ANKRD10: variants seen among roughly 807,000 people sequenced by gnomAD.
The protein encoded by ANKRD10 is ankyrin repeat domain 10.
In ANKRD10, 14 loss-of-function variants were observed where a neutral mutation model predicts 27.0. The ratio of observed to expected loss-of-function variants is 0.52; its 90% CI spans 0.34 to 0.81. The LOEUF (loss-of-function observed/expected upper bound fraction) is 0.81. Among genes scored for constraint, ANKRD10 ranks in the 40% least tolerant of loss-of-function variants. ANKRD10 has a pLI of 0.01. For missense variants in ANKRD10, 493 were observed against 544.0 expected (o/e 0.91, Z 0.93); for synonymous variants, 250 against 224.5 (o/e 1.11, Z -1.01).
chr13:110,915,063 A>C lies in ANKRD10; in HGVS notation c.-129T>G. Reference sequence around the variant, plus strand: ...TCGCGTCCCACAGGCTGCCGAGCGGAGCGCGCACAGAGGGGGCGGGGCGGG... The same window carrying C: ...TCGCGTCCCACAGGCTGCCGAGCGGCGCGCGCACAGAGGGGGCGGGGCGGG... On this transcript the variant is annotated 5_prime_UTR_variant, in exon 1 of 6. Coordinates refer to ENST00000267339, the MANE Select transcript of ANKRD10 (RefSeq NM_017664.4). The C allele has an allele frequency of 7.1e-7, 1 of 1,402,596 alleles. No individual in the cohort carries two copies. The highest frequency in any genetic ancestry group is 9.2e-7 in the Non-Finnish European group (1 of 1,083,336). 86.9% of individuals were successfully genotyped at this position (1,402,596 alleles called of 1,614,324 possible).
chr13:110,894,418 A>AAACAAAAAC (rs2065171849), intron 3 of ANKRD10: 1 of 318,874 alleles, frequency 3.1e-6, no homozygotes, highest in Non-Finnish European at 5.7e-6. Flanking sequence ...AAAAAAAAAA[A>AAACAAAAAC]AAAAAAAAAC....
intron 4 of ANKRD10, among the ~76,000 whole-genome samples, chr13:110,891,871 CTTTTTTTT>C (rs10553815): frequency 2.5e-5 from 3 of 121,242 alleles, no homozygotes; most frequent in Non-Finnish European, 3.4e-5. Context: ...CTTATTAAGA[CTTTTTTTT>C]TTTTTTTTTT....
In ANKRD10 at chr13:110,906,146, T is replaced by C. The variant is rs779054815; in HGVS notation, c.364-22A>G. The C allele has an allele frequency of 2.2e-5, 35 of 1,561,012 alleles. No homozygotes were observed. In the South Asian group the frequency reaches 4.0e-4, roughly 18 times the overall value. Reference sequence around the variant, plus strand: ...AATCCTGAAACAACAAAAAGCAAAATATACACATACTTAGAACAAAACTTC... The same window carrying C: ...AATCCTGAAACAACAAAAAGCAAAACATACACATACTTAGAACAAAACTTC... On this transcript the variant is annotated intron_variant, in intron 2 of 5. Transcript: ENST00000267339.
chr13:110,884,704 T>C (rs1376583999), intron 4 of ANKRD10, among the ~76,000 whole-genome samples: 1 of 152,220 alleles, frequency 6.6e-6, no homozygotes, highest in Admixed American at 6.5e-5. Context: ...CTTCCTATCA[T>C]GAATACCACA....
chr13:110,883,468 TTATAG>T (rs2064855645), intron 5 of ANKRD10: 3 of 1,255,502 alleles, frequency 2.4e-6, no homozygotes, highest in East Asian at 3.2e-5. Flanking sequence ...GATATGCAAA[TTATAG>T]TATAACATTT....
At position 110,879,788 on chromosome 13, in the gene ANKRD10, T is replaced by C. The variant is rs1363428087; in HGVS notation, c.1112A>G (p.Asn371Ser). The change falls in exon 6 of 6, where the codon AAC (asparagine) becomes AGC (serine). Residue 371 changes from asparagine (N) to serine (S), a missense_variant. Coordinates refer to ENST00000267339, the MANE Select transcript of ANKRD10 (RefSeq NM_017664.4). The stretch of plus-strand genomic sequence containing the variant: ...CCCGTGGTAGTGTCCATAGTACAGG[T>C]TATCCCCAATGTCTTCCACCCAGGA... ...RPSWVEDIGD[N>S]LYYGHYHGFG... is the part of the protein sequence containing the mutation. 1 of 1,614,236 alleles carries C rather than the reference T, an allele frequency of 6.2e-7. No homozygotes were observed.
At chr13:110,902,240 A>C (rs573544693) in intron 3 of ANKRD10, among the ~76,000 whole-genome samples, 3 of 152,252 alleles carry the variant, frequency 2.0e-5, no homozygotes, top group African/African-American at 7.2e-5. Flanking sequence ...TGAATAGCTA[A>C]AAGTAAATCT....
At chr13:110,882,038 G>A (rs917821458) in intron 5 of ANKRD10, among the ~76,000 whole-genome samples, 12 of 152,044 alleles carry the variant, frequency 7.9e-5, no homozygotes, top group African/African-American at 2.7e-4. Context: ...ACAATGCTGG[G>A]GATGAGGTTT....
At chr13:110,891,891 T>A (rs941064637) in intron 4 of ANKRD10, among the ~76,000 whole-genome samples, 30 of 146,348 alleles carry the variant, frequency 2.0e-4, no homozygotes, top group African/African-American at 5.3e-4. Flanking sequence ...TTTTTTTTTT[T>A]AAATAGAGAC....
intron 3 of ANKRD10, chr13:110,900,646 C>T: frequency 7.4e-7 from 1 of 1,351,882 alleles, no homozygotes; most frequent in Non-Finnish European, 9.8e-7. Context: ...TGGAATGCTC[C>T]CCCTTTCTAG....
intron 2 of ANKRD10, among the ~76,000 whole-genome samples, chr13:110,906,600 G>C (rs552353598): frequency 1.3e-5 from 2 of 152,238 alleles, no homozygotes; most frequent in East Asian, 3.9e-4. Context: ...CATCAATGCC[G>C]ATCTTGAATC....
At chr13:110,885,499 G>A (rs1424712709) in intron 4 of ANKRD10, among the ~76,000 whole-genome samples, 1 of 151,996 alleles carries the variant, frequency 6.6e-6, no homozygotes, top group African/African-American at 2.4e-5. Context: ...ATTGAACAGA[G>A]ATTGCGCCAC....
chr13:110,888,618 T>C (rs1347926665), intron 4 of ANKRD10, among the ~76,000 whole-genome samples: 2 of 152,170 alleles, frequency 1.3e-5, no homozygotes, highest in Non-Finnish European at 2.9e-5. Context: ...ATCTATCATT[T>C]AACAAACCAG....
intron 3 of ANKRD10, chr13:110,903,674 A>G (rs942283111): frequency 1.3e-5 from 2 of 152,674 alleles, no homozygotes; most frequent in Non-Finnish European, 2.9e-5. Flanking sequence ...TAGCAGATAT[A>G]TAAAAAGCAA....
At chr13:110,913,331 CTATT>C (rs1474683904) in intron 1 of ANKRD10, among the ~76,000 whole-genome samples, 1 of 152,180 alleles carries the variant, frequency 6.6e-6, no homozygotes, top group Non-Finnish European at 1.5e-5. Flanking sequence ...CTCGGGAAAT[CTATT>C]TAAGGCTGCA....
At chr13:110,912,755 G>A (rs2065755637) in intron 1 of ANKRD10, among the ~76,000 whole-genome samples, 1 of 152,256 alleles carries the variant, frequency 6.6e-6, no homozygotes, top group African/African-American at 2.4e-5. Context: ...ACCTGTGTAA[G>A]AGGGCAGCCG....
At chr13:110,910,584 A>G (rs2065668259) in intron 2 of ANKRD10, 34 bp downstream of exon 2, 2 of 1,609,566 alleles carry the variant, frequency 1.2e-6, no homozygotes, top group African/African-American at 2.7e-5. Context: ...AAGAAAAAGC[A>G]AAAGCAAACC....
intron 4 of ANKRD10, among the ~76,000 whole-genome samples, chr13:110,884,632 A>G (rs2064881827): frequency 6.6e-6 from 1 of 152,238 alleles, no homozygotes; most frequent in Non-Finnish European, 1.5e-5. Context: ...CCTCTGCCCT[A>G]TGGCTGTATT....
chr13:110,914,767 G>C lies in ANKRD10; in HGVS notation c.168C>G (p.Phe56Leu), dbSNP rs770787951. The C allele has an allele frequency of 1.9e-6, 3 of 1,599,300 alleles. No homozygotes were observed. The highest frequency in any genetic ancestry group is 3.4e-5 in the Admixed American group (2 of 58,526). Residue 56 changes from phenylalanine to leucine, a missense_variant, in exon 1 of 6, where the codon TTC (phenylalanine) becomes TTG (leucine). Transcript: ENST00000267339. ...CCCAGTGCACGGGCGTCCAGCCATA[G>C]AAGGAGTCCTCAGAGGCCAGGTGGG... ...PHAHLASEDSFYGWTPVHWAA... is the reference protein window; with the variant it reads ...PHAHLASEDSLYGWTPVHWAA...
Sources: allele counts gnomAD v4.1 joint callset (sites outside exome capture counted in the v4.1 genomes callset), GRCh38; gene constraint gnomAD v4.1.1; transcripts MANE v1.5; gene names NCBI Gene and HGNC (gene_info 2026-07-23, HGNC 2026-07-21).